Variants in UTP20 observed in about 807,000 individuals in gnomAD.
The protein encoded by UTP20 is UTP20 small subunit processome component.
A neutral mutation model predicts 329.5 loss-of-function variants in UTP20; 164 were observed. The ratio of observed to expected loss-of-function variants is 0.50; its 90% confidence interval spans 0.44 to 0.57. The LOEUF is 0.57. Ranked by LOEUF, UTP20 falls within the 20% of genes least tolerant of loss-of-function variation. The pLI, the probability that UTP20 is intolerant of heterozygous loss-of-function variation, is 0.00. For synonymous variants in UTP20, 1,151 were observed against 1,159.3 expected (o/e 0.99, Z 0.14); for missense variants, 3,055 against 3,284.2 (o/e 0.93, Z 1.71).
At chr12:101,350,839 T>A (rs1378205314) in intron 38 of UTP20, among the ~76,000 whole-genome samples, 1 of 152,176 alleles carries the variant, frequency 6.6e-6, no homozygotes, top group Non-Finnish European at 1.5e-5. Flanking sequence ...TGCTCAGTAC[T>A]CAGCCGAAGA....
chr12:101,288,202 C>A (rs1872021673), intron 5 of UTP20, among the ~76,000 whole-genome samples: 1 of 152,226 alleles, frequency 6.6e-6, no homozygotes, highest in Non-Finnish European at 1.5e-5. Context: ...TGAAAATGGT[C>A]ATTTCTCATT....
chr12:101,302,331 C>T, intron 14 of UTP20, 117 bp from the exon 15 acceptor site: 1 of 641,418 alleles, frequency 1.6e-6, no homozygotes. Flanking sequence ...CTTTGGAAGG[C>T]ATAAATTCAC....
intron 47 of UTP20, 32 bp from the exon 48 acceptor site, chr12:101,367,828 C>A: frequency 1.4e-6 from 2 of 1,449,862 alleles, no homozygotes; most frequent in Non-Finnish European, 1.9e-6. Flanking sequence ...TAATGGGCAA[C>A]TAATGTGAAA....
Position 101,290,289 on chromosome 12 carries a change from G to C in UTP20, c.735+15G>C. On this transcript the variant is annotated intron_variant, in intron 7 of 61. Coordinates refer to ENST00000261637, the MANE Select transcript of UTP20 (RefSeq NM_014503.3). ...GTACAGGCCAGGTACATAATGGGGA[G>C]GGGTGCTTAGAGTCTATGTGGATGG... 1 of 1,577,152 alleles carries C rather than the reference G, an allele frequency of 6.3e-7. No homozygotes were observed. The highest frequency in any genetic ancestry group is 8.6e-7 in the Non-Finnish European group (1 of 1,165,686).
At chr12:101,375,537 C>A in intron 55 of UTP20, 87 bp from the exon 56 acceptor site, 1 of 1,421,820 alleles carries the variant, frequency 7.0e-7, no homozygotes, top group Non-Finnish European at 9.7e-7. Flanking sequence ...GGTTCAGAAA[C>A]GGGTGGATTG....
intron 47 of UTP20, 115 bp downstream of exon 47, chr12:101,366,814 A>T: frequency 3.7e-6 from 5 of 1,351,850 alleles, no homozygotes; most frequent in African/African-American, 3.0e-5. Context: ...CTGTAAATAC[A>T]TTTTAGATTT....
rs529631441 is a variant in UTP20, at chr12:101,351,020, A to G, written c.4885-1035A>G. On this transcript the variant is annotated intron_variant, in intron 38 of 61. Transcript: ENST00000261637. ...TGCAACTTAACAGTTCTCTCCACACAGTAAATTGGGGGTAATTAATAAGCC... is the reference window on the plus strand; with the variant it reads ...TGCAACTTAACAGTTCTCTCCACACGGTAAATTGGGGGTAATTAATAAGCC... Among the ~76,000 whole-genome samples the G allele has an allele frequency of 1.4e-3, 206 of 152,272 alleles. 2 individuals carry two copies. Among genetic ancestry groups the G allele is most frequent in the African/African-American group, 4.8e-3 (199 of 41,542 alleles).
chr12:101,297,606 G>T (rs1334484580), intron 12 of UTP20, among the ~76,000 whole-genome samples: 1 of 152,188 alleles, frequency 6.6e-6, no homozygotes, highest in Non-Finnish European at 1.5e-5. Flanking sequence ...GTTTTTAAAT[G>T]TATTGAATTC....
At chr12:101,324,479 G>A (rs909099508) in intron 25 of UTP20, among the ~76,000 whole-genome samples, 4 of 152,026 alleles carry the variant, frequency 2.6e-5, no homozygotes, top group Non-Finnish European at 4.4e-5. Context: ...ATGTTGTCCC[G>A]GCTGGTCTCA....
rs1348395148 is a variant in UTP20, at chr12:101,342,444, A to G, written c.4102-2A>G. On this transcript the variant is annotated splice_acceptor_variant, in intron 32 of 61. Transcript: ENST00000261637. LOFTEE classifies it high-confidence loss of function. ...TGATTTCTCTGATTATTTCTTCTCA[A>G]GGATACAGAGGTTGATATTCTGGTG... 2 of 1,593,396 alleles carry G rather than the reference A, an allele frequency of 1.3e-6. No individual in the cohort carries two copies. The highest frequency in any genetic ancestry group is 3.7e-5 in the Admixed American group (2 of 53,340).
intron 5 of UTP20, among the ~76,000 whole-genome samples, chr12:101,288,168 A>G (rs1259182427): frequency 1.3e-5 from 2 of 152,142 alleles, no homozygotes; most frequent in East Asian, 1.9e-4. Flanking sequence ...TTTATCCTGT[A>G]TATTGCTGCC....
chr12:101,374,112 G>A (rs1390683523), intron 54 of UTP20, among the ~76,000 whole-genome samples: 1 of 150,354 alleles, frequency 6.7e-6, no homozygotes, highest in Non-Finnish European at 1.5e-5. Flanking sequence ...GCGGGCGCCT[G>A]TAGTCCCAGC....
chr12:101,375,620 T>C lies in UTP20; in HGVS notation c.7264-4T>C. On this transcript the variant is annotated splice_region_variant and splice_polypyrimidine_tract_variant and intron_variant, in intron 55 of 61. Coordinates refer to ENST00000261637, the MANE Select transcript of UTP20 (RefSeq NM_014503.3). ...TCATTGATTTACATCCGTCTTGTTT[T>C]TAGATCATGGAAGAAACTGAAGAAA... 1 of 1,610,160 alleles carries C rather than the reference T, an allele frequency of 6.2e-7. No homozygotes were observed. Among genetic ancestry groups the C allele is most frequent in the African/African-American group, 1.3e-5 (1 of 74,808 alleles).
rs901461677 is a variant in UTP20 at position 101,363,866 on chromosome 12, G to T, written c.5958+123G>T. The T allele has an allele frequency of 1.7e-5, 11 of 647,196 alleles. No individual in the cohort carries two copies. The East Asian group carries it at 3.0e-4, about 17-fold the overall frequency. 40.1% of individuals were successfully genotyped at this position (647,196 alleles called of 1,614,324 possible). A position where few individuals can be genotyped will look rare whatever the true frequency, so the allele number is the denominator to read the frequency against. On this transcript the variant is annotated intron_variant, in intron 45 of 61. Transcript: ENST00000261637. ...ACCCATGATTTCCTTTGGTGATAGGGCCCCAGGACCATATGGCCAGTGAGT... is the reference window on the plus strand; with the variant it reads ...ACCCATGATTTCCTTTGGTGATAGGTCCCCAGGACCATATGGCCAGTGAGT...
chr12:101,311,732 G>A lies in UTP20; in HGVS notation c.2245G>A (p.Glu749Lys), dbSNP rs548791318. 3.2e-5 allele frequency: 51 copies of A among 1,610,018 alleles called. No homozygotes were observed. In the South Asian group the frequency reaches 4.0e-4, roughly 13 times the overall value. ...TTTTTCCCTTAGTTCTCATGCACAC[G>A]AAATGGAAAATAAGCAATTTTGGAA... is the stretch of plus-strand genomic sequence containing the variant. ...VIELISSHAH[E>K]MENKQFWKVY... The change falls in exon 20 of 62, where the codon GAA becomes AAA. Residue 749 changes from glutamate to lysine, a missense_variant. Glu to Lys is a moderately conservative substitution (Grantham distance 56). Coordinates refer to ENST00000261637, the MANE Select transcript of UTP20 (RefSeq NM_014503.3).
At chr12:101,325,012 C>A (rs887015808) in intron 25 of UTP20, among the ~76,000 whole-genome samples, 11 of 151,992 alleles carry the variant, frequency 7.2e-5, no homozygotes, top group Non-Finnish European at 1.5e-4. Flanking sequence ...CTTTTATTAG[C>A]GTTAGTAGTT....
At chr12:101,294,541 CT>C (rs1211436109) in intron 11 of UTP20, among the ~76,000 whole-genome samples, 2,466 of 129,230 alleles carry the variant, frequency 0.019, 61 homozygotes, top group African/African-American at 0.068. Flanking sequence ...TCTCGTTTTT[CT>C]TTTTTTTTTT....
At chr12:101,370,381 A>G (rs1460687178) in intron 49 of UTP20, 51 bp from the exon 50 acceptor site, 20 of 1,581,974 alleles carry the variant, frequency 1.3e-5, no homozygotes, top group Non-Finnish European at 1.5e-5. Context: ...ATTTCACTGG[A>G]TCCCAACTGT....
chr12:101,308,539 A>G (rs1872697226), intron 18 of UTP20, among the ~76,000 whole-genome samples, 196 bp downstream of exon 18: 1 of 152,082 alleles, frequency 6.6e-6, no homozygotes, highest in South Asian at 2.1e-4. Flanking sequence ...GGAATAATTT[A>G]GTATTCTCTG....
Sources: gnomAD v4.1 joint callset for allele counts (sites outside exome capture counted in the v4.1 genomes callset) on GRCh38, gnomAD v4.1.1 for gene constraint, MANE v1.5 for transcripts, NCBI Gene and HGNC (gene_info 2026-07-23, HGNC 2026-07-21) for gene names.